The following COLEC10 variants were observed in gnomAD, a reference collection of about 807,000 sequenced individuals.
The protein encoded by COLEC10 is collectin-10.
A neutral mutation model predicts 28.4 loss-of-function variants in COLEC10; 22 were observed. That is an observed-to-expected ratio of 0.78 (90% CI 0.55 to 1.11). The LOEUF (loss-of-function observed/expected upper bound fraction) is 1.11, where lower values mean the gene tolerates loss of function less well. Ranked by LOEUF, COLEC10 falls within the 50% of genes least tolerant of loss-of-function variation. The probability of loss-of-function intolerance (pLI) is 0.00; values close to 1 mark genes in which losing one functional copy is unlikely to be tolerated. For synonymous variants in COLEC10, 125 were observed against 116.1 expected, an observed-to-expected ratio of 1.08 and a Z score of -0.49; for missense variants, 361 against 344.1, an observed-to-expected ratio of 1.05 and a Z score of -0.39.
chr8:118,979,761 T>G, the COLEC10 span, among the ~76,000 whole-genome samples: 2 of 152,136 alleles, frequency 1.3e-5, no homozygotes, highest in African/African-American at 4.8e-5. Flanking sequence ...AATGAATTTA[T>G]TAGAAATAAA....
intron 2 of COLEC10, among the ~76,000 whole-genome samples, chr8:119,016,708 TTTGG>T (rs1407628967): frequency 1.3e-5 from 2 of 152,046 alleles, no homozygotes; most frequent in Non-Finnish European, 2.9e-5. Context: ...TTTTTGTTTC[TTTGG>T]TTGGTTGTTT....
At position 119,046,746 on chromosome 8, in the gene COLEC10, CT is replaced by C. The variant is rs1209733701; in HGVS notation, n.235+37196del. Among the ~76,000 whole-genome samples the C allele has an allele frequency of 3.3e-5, 5 of 152,142 alleles. No homozygotes were observed. The East Asian group carries it at 7.7e-4, about 23-fold the overall frequency. ...AAATGATTATAATCTTTATTTTAGT[CT>C]TTCTTGATTTTCATGTGATGTTTAC... On this transcript the variant is annotated intron_variant and non_coding_transcript_variant, in intron 2 of 6. Coordinates refer to the COLEC10 transcript ENST00000521788.
chr8:119,018,386 C>T (rs1814031026), intron 2 of COLEC10, among the ~76,000 whole-genome samples: 1 of 152,122 alleles, frequency 6.6e-6, no homozygotes, highest in South Asian at 2.1e-4. Flanking sequence ...TCTTCCTGTA[C>T]TCTTTTGGAT....
chr8:119,101,736 T>C (rs887301370), intron 3 of COLEC10, among the ~76,000 whole-genome samples: 2 of 152,322 alleles, frequency 1.3e-5, no homozygotes, highest in East Asian at 1.9e-4. Context: ...TTGGTTTTCA[T>C]AGAGTAAGCA....
At chr8:118,990,138 A>G in the COLEC10 span, among the ~76,000 whole-genome samples, 2 of 152,126 alleles carry the variant, frequency 1.3e-5, no homozygotes, top group African/African-American at 4.8e-5. Context: ...AACCAACTGT[A>G]TTACATCTCT....
At chr8:119,024,821 C>T (rs1814159301) in intron 2 of COLEC10, among the ~76,000 whole-genome samples, 1 of 152,132 alleles carries the variant, frequency 6.6e-6, no homozygotes, top group African/African-American at 2.4e-5. Flanking sequence ...ATGTTCCTTG[C>T]TTCCAAGTTT....
chr8:119,075,886 C>A (rs1035009088), intron 1 of COLEC10, among the ~76,000 whole-genome samples: 9 of 144,766 alleles, frequency 6.2e-5, no homozygotes, highest in African/African-American at 2.3e-4. Context: ...GAATGATCAG[C>A]CATATCTTTT....
the COLEC10 span, among the ~76,000 whole-genome samples, chr8:118,968,601 G>A: frequency 2.5e-4 from 37 of 149,458 alleles, no homozygotes; most frequent in Non-Finnish European, 3.3e-4. Context: ...ATATATATAC[G>A]TATATGTATG....
At chr8:119,082,230 G>GT in intron 1 of COLEC10, among the ~76,000 whole-genome samples, 1 of 152,266 alleles carries the variant, frequency 6.6e-6, no homozygotes, top group Non-Finnish European at 1.5e-5. Context: ...AGTGGTGTGT[G>GT]TATTTGCCAC....
intron 1 of COLEC10, among the ~76,000 whole-genome samples, chr8:119,000,462 C>T (rs1813675529): frequency 6.6e-6 from 1 of 152,020 alleles, no homozygotes; most frequent in African/African-American, 2.4e-5. Flanking sequence ...AGGCACAGAC[C>T]AAGTGCACAG....
chr8:119,056,352 A>ATGAT (rs1212638799), intron 2 of COLEC10, among the ~76,000 whole-genome samples: 1 of 152,096 alleles, frequency 6.6e-6, no homozygotes, highest in Admixed American at 6.6e-5. Flanking sequence ...CTGGACAACG[A>ATGAT]GATGAAAGTG....
intron 2 of COLEC10, among the ~76,000 whole-genome samples, chr8:119,033,244 A>T (rs1221662569): frequency 2.1e-5 from 2 of 96,798 alleles, no homozygotes; most frequent in South Asian, 3.8e-4. Flanking sequence ...TTAGTAATTC[A>T]CTTTCTTCAG....
At chr8:119,052,124 C>T (rs1452463256) in intron 2 of COLEC10, among the ~76,000 whole-genome samples, 1 of 152,014 alleles carries the variant, frequency 6.6e-6, no homozygotes, top group African/African-American at 2.4e-5. Flanking sequence ...TTACCATCTA[C>T]AAGATTATTA....
chr8:119,005,575 C>T (rs569984158), intron 1 of COLEC10, among the ~76,000 whole-genome samples: 3 of 152,226 alleles, frequency 2.0e-5, no homozygotes, highest in Admixed American at 2.0e-4. Flanking sequence ...TATGAACCTT[C>T]ACTGATCCAT....
chr8:119,064,112 A>T (rs180746160), upstream of COLEC10, among the ~76,000 whole-genome samples: 306 of 152,174 alleles, frequency 2.0e-3, 1 homozygote, highest in African/African-American at 5.9e-3. Flanking sequence ...GGGAAGCACT[A>T]TTTTTTTGCA....
chr8:119,058,820 A>G (rs1166592054), intron 2 of COLEC10, among the ~76,000 whole-genome samples: 2 of 152,060 alleles, frequency 1.3e-5, no homozygotes, highest in Admixed American at 6.6e-5. Context: ...GTTTATATTT[A>G]ACTTTTTAAG....
At chr8:119,016,498 T>C (rs773015340) in intron 2 of COLEC10, among the ~76,000 whole-genome samples, 10 of 152,176 alleles carry the variant, frequency 6.6e-5, no homozygotes, top group Non-Finnish European at 1.2e-4. Flanking sequence ...TGTGTGCATG[T>C]GTCTTTATAG....
At chr8:119,000,083 G>T (rs899410803) in intron 1 of COLEC10, among the ~76,000 whole-genome samples, 1 of 152,156 alleles carries the variant, frequency 6.6e-6, no homozygotes, top group Non-Finnish European at 1.5e-5. Flanking sequence ...ATTTCCTAAA[G>T]CAGCAGTGAA....
intron 2 of COLEC10, among the ~76,000 whole-genome samples, chr8:119,010,647 C>T (rs1586273): frequency 0.57 from 86,641 of 150,714 alleles, 26,137 homozygotes; most frequent in Middle Eastern, 0.69. Flanking sequence ...TCCTGTTGCT[C>T]CACATTCTTG....
Sources: gnomAD v4.1 joint callset for allele counts (sites outside exome capture counted in the v4.1 genomes callset) on GRCh38, gnomAD v4.1.1 for gene constraint, MANE v1.5 for transcripts, NCBI Gene and HGNC (gene_info 2026-07-23, HGNC 2026-07-21) for gene names.